PPHLN1: variants seen among roughly 807,000 people sequenced by gnomAD.
PPHLN1 encodes the protein periphilin 1, also known as periphilin-1.
In PPHLN1, 29 loss-of-function variants were observed where a neutral mutation model predicts 51.3. That is an observed-to-expected ratio of 0.57 (90% confidence interval 0.42 to 0.77). The LOEUF (loss-of-function observed/expected upper bound fraction) is 0.77, where lower values mean the gene tolerates loss of function less well. Ranked by LOEUF, PPHLN1 falls within the 30% of genes least tolerant of loss-of-function variation. The pLI is 0.00. For missense variants in PPHLN1, 436 were observed against 438.4 expected, an observed-to-expected ratio of 0.99 and a Z score of 0.05; for synonymous variants, 147 against 147.8, an observed-to-expected ratio of 0.99 and a Z score of 0.04.
At chr12:42,439,692 T>C (rs1329200837) in intron 9 of PPHLN1, among the ~76,000 whole-genome samples, 1 of 152,150 alleles carries the variant, frequency 6.6e-6, no homozygotes, top group African/African-American at 2.4e-5. Context: ...TTTGTATTTT[T>C]AGTAGAGACA....
intron 4 of PPHLN1, among the ~76,000 whole-genome samples, chr12:42,360,238 C>T (rs2074496253): frequency 6.6e-6 from 1 of 151,772 alleles, no homozygotes; most frequent in South Asian, 2.1e-4. Flanking sequence ...AATCTGGGCT[C>T]ATAAATCACA....
In PPHLN1 at chr12:42,398,964, A is replaced by G; in HGVS notation, c.879A>G (p.Ala293=). The G allele has an allele frequency of 2.5e-6, 4 of 1,613,902 alleles. No individual in the cohort carries two copies. The highest frequency in any genetic ancestry group is 3.4e-6 in the Non-Finnish European group (4 of 1,179,818). Residue 293 remains alanine (A), a synonymous_variant, in exon 9 of 10, where the codon GCA becomes GCG. Coordinates refer to ENST00000358314, the MANE Select transcript of PPHLN1 (RefSeq NM_201439.2). ...GTCAGCTAACCACTCGCTCTAAAGCAATAGCATCAAAAACCAAAGAGATTG... is the reference window on the plus strand; with the variant it reads ...GTCAGCTAACCACTCGCTCTAAAGCGATAGCATCAAAAACCAAAGAGATTG... The part of the protein sequence containing the change: ...EDSQLTTRSK[A]IASKTKEIEQ...
At chr12:42,437,710 G>A (rs1378715394) in intron 9 of PPHLN1, among the ~76,000 whole-genome samples, 1 of 152,042 alleles carries the variant, frequency 6.6e-6, no homozygotes, top group African/African-American at 2.4e-5. Context: ...GTTTACATTA[G>A]GATTCACTCT....
Position 42,439,504 on chromosome 12 carries a change from T to C in PPHLN1, c.910-1811T>C, listed in dbSNP as rs537287749. On this transcript the variant is annotated intron_variant, in intron 9 of 9. Coordinates refer to ENST00000358314, the MANE Select transcript of PPHLN1 (RefSeq NM_201439.2). ...TAGCTTTAAAGTAAGGTGTGTTGTT[T>C]TTTGTTTGTTTTCTTGTTTGTTTGT... is the stretch of plus-strand genomic sequence containing the variant. Among the ~76,000 whole-genome samples, 104 of 152,316 alleles carry C rather than the reference T, an allele frequency of 6.8e-4. No homozygotes were observed. In the Middle Eastern group the frequency reaches 0.031, roughly 45 times the overall value.
chr12:42,422,798 T>C (rs1375163278), intron 9 of PPHLN1, among the ~76,000 whole-genome samples: 1 of 152,238 alleles, frequency 6.6e-6, no homozygotes, highest in East Asian at 1.9e-4. Context: ...GTTGTGTTCC[T>C]TAATACTGGC....
chr12:42,347,877 C>T (rs1314049418), intron 2 of PPHLN1, among the ~76,000 whole-genome samples: 5 of 152,128 alleles, frequency 3.3e-5, no homozygotes, highest in Non-Finnish European at 5.9e-5. Context: ...AAGACACGAA[C>T]GCTTTAAAAA....
chr12:42,440,103 T>C (rs538038871), intron 9 of PPHLN1, among the ~76,000 whole-genome samples: 2 of 149,278 alleles, frequency 1.3e-5, no homozygotes, highest in East Asian at 1.9e-4. Context: ...TTTATATTAA[T>C]ACATATTTAT....
intron 9 of PPHLN1, among the ~76,000 whole-genome samples, chr12:42,440,490 A>G (rs977611405): frequency 6.6e-6 from 1 of 152,216 alleles, no homozygotes; most frequent in Non-Finnish European, 1.5e-5. Context: ...CATACTTTAT[A>G]TGATACCTAT....
intron 2 of PPHLN1, among the ~76,000 whole-genome samples, chr12:42,338,198 A>T (rs1289110056): frequency 6.6e-6 from 1 of 152,198 alleles, no homozygotes; most frequent in African/African-American, 2.4e-5. Context: ...AAGTGCTGGG[A>T]TTACACGCGT....
At chr12:42,419,406 A>G (rs1017330538) in intron 9 of PPHLN1, among the ~76,000 whole-genome samples, 2 of 38,334 alleles carry the variant, frequency 5.2e-5, no homozygotes, top group Admixed American at 6.0e-4. Flanking sequence ...CACACCTTTT[A>G]TATTTTTAAT....
chr12:42,388,099 A>G (rs751607014), intron 7 of PPHLN1, among the ~76,000 whole-genome samples: 2 of 152,144 alleles, frequency 1.3e-5, no homozygotes, highest in African/African-American at 4.8e-5. Flanking sequence ...GCCTTGTGGG[A>G]TGAGAATGAC....
At chr12:42,355,757 A>C (rs2138313866) in intron 4 of PPHLN1, 1 of 152,368 alleles carries the variant, frequency 6.6e-6, no homozygotes, top group South Asian at 2.1e-4. Flanking sequence ...TCTAAAAAAA[A>C]AAAAAAAAAA....
chr12:42,413,609 T>A (rs2080094269), intron 9 of PPHLN1, among the ~76,000 whole-genome samples: 1 of 150,910 alleles, frequency 6.6e-6, no homozygotes, highest in Non-Finnish European at 1.5e-5. Context: ...TTGCCCGGGC[T>A]GGAGTGCAGT....
chr12:42,393,572 G>T lies in PPHLN1; in HGVS notation c.651G>T (p.Val217=). 1 of 1,603,186 alleles carries T rather than the reference G, an allele frequency of 6.2e-7. No homozygotes were observed. The highest frequency in any genetic ancestry group is 8.5e-7 in the Non-Finnish European group (1 of 1,176,800). The change falls in exon 8 of 10, where the codon GTG becomes GTT. Residue 217 remains valine (V), a splice_region_variant and synonymous_variant. Coordinates refer to ENST00000358314, the MANE Select transcript of PPHLN1 (RefSeq NM_201439.2). ...CAGAAATGTTCTATTTTTATTAGGT[G>T]TTAGACAAACCCAGTAGGCTAACTG... ...SSGSAVSSSK[V]LDKPSRLTEK... is the part of the protein sequence containing the mutation.
intron 2 of PPHLN1, among the ~76,000 whole-genome samples, chr12:42,343,294 G>A (rs2071765120): frequency 6.6e-6 from 1 of 151,824 alleles, no homozygotes; most frequent in South Asian, 2.1e-4. Context: ...TATTATTATT[G>A]TTTTATACAG....
chr12:42,443,900 C>T (rs1012061351), downstream of PPHLN1: 1 of 152,216 alleles, frequency 6.6e-6, no homozygotes, highest in Non-Finnish European at 1.5e-5. Context: ...CAGCTATCAA[C>T]AATGAAAGGC....
chr12:42,383,091 A>G (rs897571104), intron 5 of PPHLN1, among the ~76,000 whole-genome samples: 3 of 152,246 alleles, frequency 2.0e-5, no homozygotes, highest in African/African-American at 7.2e-5. Flanking sequence ...TAAATAGTCC[A>G]AGCCTACCTA....
At chr12:42,349,520 A>C (rs2072889071) in intron 2 of PPHLN1, among the ~76,000 whole-genome samples, 1 of 152,134 alleles carries the variant, frequency 6.6e-6, no homozygotes, top group South Asian at 2.1e-4. Flanking sequence ...ATGTGAACAA[A>C]GGTCTCTGGT....
chr12:42,411,475 G>A (rs771642517), intron 9 of PPHLN1, among the ~76,000 whole-genome samples: 1 of 149,890 alleles, frequency 6.7e-6, no homozygotes. Flanking sequence ...CCATCGTTAC[G>A]AGACTGAACG....
Sources: gnomAD v4.1 joint callset for allele counts (sites outside exome capture counted in the v4.1 genomes callset) on GRCh38, gnomAD v4.1.1 for gene constraint, MANE v1.5 for transcripts, NCBI Gene and HGNC (gene_info 2026-07-23, HGNC 2026-07-21) for gene names.